The following IFT122 variants were observed in gnomAD, a reference collection of about 807,000 sequenced individuals.
The protein encoded by IFT122 is intraflagellar transport 122.
In IFT122, 118 loss-of-function variants were observed where a neutral mutation model predicts 161.6. That is an observed-to-expected ratio of 0.73 (90% CI 0.63 to 0.85). The LOEUF is 0.85. Ranked by LOEUF, IFT122 falls within the 40% of genes least tolerant of loss-of-function variation. The probability of loss-of-function intolerance (pLI) is 0.00; values close to 1 mark genes in which losing one functional copy is unlikely to be tolerated. For synonymous variants in IFT122, 550 were observed against 602.4 expected (o/e 0.91, Z 1.27); for missense variants, 1,381 against 1,579.6 (o/e 0.87, Z 2.13).
At chr3:129,459,726 T>C (rs140845292) in intron 4 of IFT122, among the ~76,000 whole-genome samples, 1,093 of 51,646 alleles carry the variant, frequency 0.021, 19 homozygotes, top group South Asian at 0.049. Context: ...CCTTCCTTCC[T>C]TCCCTCCCTC....
At chr3:129,474,500 A>G (rs371965598) in intron 9 of IFT122, among the ~76,000 whole-genome samples, 24 of 152,264 alleles carry the variant, frequency 1.6e-4, no homozygotes, top group Admixed American at 7.8e-4. Context: ...GAGAAGTGCA[A>G]TGGGATAGGC....
chr3:129,477,997 A>G lies in IFT122; in HGVS notation c.1148-19A>G, dbSNP rs1351157926. 6.2e-7 allele frequency: 1 copy of G among 1,607,524 alleles called. No individual in the cohort carries two copies. The highest frequency in any genetic ancestry group is 8.5e-7 in the Non-Finnish European group (1 of 1,174,028). ...CATAACAACCTCTTGCTAGAACTAGATATTTTTTTCTTTGACAGTTCGGAT... is the reference window on the plus strand; with the variant it reads ...CATAACAACCTCTTGCTAGAACTAGGTATTTTTTTCTTTGACAGTTCGGAT... On this transcript the variant is annotated intron_variant, in intron 11 of 29. Transcript: ENST00000348417.
intron 16 of IFT122, among the ~76,000 whole-genome samples, chr3:129,489,756 G>C (rs986491072): frequency 6.6e-6 from 1 of 151,560 alleles, no homozygotes; most frequent in Non-Finnish European, 1.5e-5. Context: ...GGAGAATGGC[G>C]TGAACCTGGG....
chr3:129,485,072 C>T (rs2079115043), intron 15 of IFT122, among the ~76,000 whole-genome samples: 1 of 152,204 alleles, frequency 6.6e-6, no homozygotes, highest in Admixed American at 6.5e-5. Context: ...TGTGGATGTT[C>T]CACAGCTTTC....
chr3:129,445,946 G>GC (rs1321862054), intron 1 of IFT122, among the ~76,000 whole-genome samples: 15 of 152,120 alleles, frequency 9.9e-5, no homozygotes, highest in Admixed American at 2.0e-4. Flanking sequence ...AAATTCAGAG[G>GC]CCCCCCAACC....
At chr3:129,495,714 A>C in intron 18 of IFT122, 107 bp downstream of exon 18, 1 of 1,281,336 alleles carries the variant, frequency 7.8e-7, no homozygotes. Context: ...AAAAACTAGC[A>C]ATGGTCTCAG....
intron 11 of IFT122, among the ~76,000 whole-genome samples, 155 bp from the exon 12 acceptor site, chr3:129,477,861 G>A (rs545383841): frequency 6.6e-6 from 1 of 152,358 alleles, no homozygotes; most frequent in East Asian, 1.9e-4. Flanking sequence ...GTTCAGCAGA[G>A]TTGATTGTAT....
At chr3:129,483,327 G>A (rs1374346593) in intron 14 of IFT122, among the ~76,000 whole-genome samples, 158 bp from the exon 15 acceptor site, 4 of 151,982 alleles carry the variant, frequency 2.6e-5, no homozygotes, top group African/African-American at 9.7e-5. Context: ...TCTTGCCTCT[G>A]TTCATTTCTT....
chr3:129,485,451 G>T (rs1011692733), intron 15 of IFT122, among the ~76,000 whole-genome samples: 1 of 152,180 alleles, frequency 6.6e-6, no homozygotes, highest in Non-Finnish European at 1.5e-5. Flanking sequence ...ATTCAGATCT[G>T]AGGAAAAAGA....
At chr3:129,517,430 G>A (rs1410897783) in intron 26 of IFT122, 39 bp from the exon 27 acceptor site, 7 of 1,610,530 alleles carry the variant, frequency 4.3e-6, no homozygotes, top group East Asian at 2.2e-5. Context: ...TCCTTTGCAA[G>A]GCCTCCAGCC....
intron 9 of IFT122, among the ~76,000 whole-genome samples, chr3:129,473,362 A>T (rs1559898382): frequency 2.4e-4 from 36 of 152,166 alleles, no homozygotes; most frequent in African/African-American, 2.4e-5. Context: ...GTCTCCATTG[A>T]TTTTTTTCCC....
At chr3:129,450,005 T>C in intron 2 of IFT122, 68 bp downstream of exon 2, 3 of 1,039,306 alleles carry the variant, frequency 2.9e-6, no homozygotes, top group Non-Finnish European at 4.4e-6. Flanking sequence ...ACTCTGAAAT[T>C]TGACCCTTTT....
intron 4 of IFT122, chr3:129,459,410 C>T (rs1290707654): frequency 2.6e-6 from 1 of 391,350 alleles, no homozygotes; most frequent in Admixed American, 2.9e-5. Context: ...CTGCCTCAGC[C>T]TCCCGAGTAG....
chr3:129,505,506 ATCTG>A (rs1419553786), intron 21 of IFT122, among the ~76,000 whole-genome samples: 4 of 152,192 alleles, frequency 2.6e-5, no homozygotes, highest in Non-Finnish European at 2.9e-5. Flanking sequence ...CAACCTATCC[ATCTG>A]TCTGTGTCTG....
intron 14 of IFT122, among the ~76,000 whole-genome samples, chr3:129,483,097 C>A (rs2078868623): frequency 6.8e-6 from 1 of 147,616 alleles, no homozygotes; most frequent in African/African-American, 2.5e-5. Flanking sequence ...TCCTCTTCTC[C>A]ACTGCCCCTC....
chr3:129,445,815 G>A (rs2073923988), intron 1 of IFT122, among the ~76,000 whole-genome samples: 1 of 152,170 alleles, frequency 6.6e-6, no homozygotes. Context: ...ATAAAATAAT[G>A]CATTTTAAGA....
At chr3:129,517,640 G>A in intron 27 of IFT122, 46 bp downstream of exon 27, 1 of 1,604,708 alleles carries the variant, frequency 6.2e-7, no homozygotes, top group South Asian at 1.1e-5. Flanking sequence ...CTGTGTGAGG[G>A]GTCTGGGGAC....
chr3:129,492,380 G>T (rs2080237263), intron 17 of IFT122, among the ~76,000 whole-genome samples, 186 bp downstream of exon 17: 2 of 152,208 alleles, frequency 1.3e-5, no homozygotes, highest in African/African-American at 4.8e-5. Context: ...AGCAGGTAGT[G>T]TGAGCTGTTG....
Position 129,515,595 on chromosome 3 carries a change from C to T in IFT122, c.3261C>T (p.Ser1087=), listed in dbSNP as rs2083390851. The change falls in exon 26 of 30, where the codon TCC becomes TCT. Residue 1087 remains serine, a synonymous_variant. Transcript: ENST00000348417. ...CRQPFIFSAS[S]YDVLHLVEFY... is the part of the protein sequence containing the mutation. ...AGCCCTTCATCTTCTCCGCCTCTTCCTACGGTGAGTCCCTGCATCCTGAGC... is the reference window on the plus strand; with the variant it reads ...AGCCCTTCATCTTCTCCGCCTCTTCTTACGGTGAGTCCCTGCATCCTGAGC... The T allele has an allele frequency of 2.7e-6, 4 of 1,466,548 alleles. No homozygotes were observed. The highest frequency in any genetic ancestry group is 2.9e-6 in the Non-Finnish European group (3 of 1,048,596). 90.8% of individuals were successfully genotyped at this position (1,466,548 alleles called of 1,614,324 possible). A position where few individuals can be genotyped will look rare whatever the true frequency, so the allele number is the denominator to read the frequency against.
Sources: allele counts gnomAD v4.1 joint callset (sites outside exome capture counted in the v4.1 genomes callset), GRCh38; gene constraint gnomAD v4.1.1; transcripts MANE v1.5; gene names NCBI Gene and HGNC (gene_info 2026-07-23, HGNC 2026-07-21).